NSUN6: variants seen among roughly 807,000 people sequenced by gnomAD.
NSUN6 encodes NOP2/Sun RNA methyltransferase 6, also known as tRNA (cytosine(72)-C(5))-methyltransferase NSUN6.
NSUN6 carries 64 observed loss-of-function variants against 58.0 expected under a neutral mutation model. The observed-to-expected ratio is 1.10, with a 90% CI of 0.90 to 1.36. The LOEUF (loss-of-function observed/expected upper bound fraction) is 1.36. Ranked by LOEUF, NSUN6 falls within the 40% of genes most tolerant of loss-of-function variation. The probability of loss-of-function intolerance (pLI) is 0.00; values close to 1 mark genes in which losing one functional copy is unlikely to be tolerated. For synonymous variants in NSUN6, 231 were observed against 193.9 expected, an observed-to-expected ratio of 1.19 and a Z score of -1.59; for missense variants, 701 against 550.1, an observed-to-expected ratio of 1.27 and a Z score of -2.74.
intron 3 of NSUN6, among the ~76,000 whole-genome samples, chr10:18,618,980 T>C (rs1421615697): frequency 6.6e-6 from 1 of 152,214 alleles, no homozygotes; most frequent in Non-Finnish European, 1.5e-5. Context: ...TCTACAGCCA[T>C]ATCACTCTGA....
intron 3 of NSUN6, among the ~76,000 whole-genome samples, chr10:18,637,049 A>G (rs1372888968): frequency 6.9e-6 from 1 of 144,928 alleles, no homozygotes; most frequent in Admixed American, 7.1e-5. Flanking sequence ...TACAACCTCC[A>G]CCTCCTGGGA....
chr10:18,555,248 A>G (rs944914066), intron 8 of NSUN6, among the ~76,000 whole-genome samples: 5 of 150,232 alleles, frequency 3.3e-5, no homozygotes, highest in African/African-American at 1.2e-4. Flanking sequence ...TGGAGAGTAT[A>G]GAGGAAAGTA....
chr10:18,656,630 T>G (rs536302932), upstream of NSUN6, among the ~76,000 whole-genome samples: 2 of 152,334 alleles, frequency 1.3e-5, no homozygotes, highest in Admixed American at 1.3e-4. Context: ...TATCTGAAGT[T>G]AGTTTGTAAT....
chr10:18,559,583 G>C (rs945342054), intron 8 of NSUN6, among the ~76,000 whole-genome samples: 1 of 150,782 alleles, frequency 6.6e-6, no homozygotes, highest in Admixed American at 6.7e-5. Flanking sequence ...ATGCAATAGA[G>C]AATGGAATGG....
At chr10:18,594,763 C>A (rs2057519342) in intron 7 of NSUN6, among the ~76,000 whole-genome samples, 1 of 152,182 alleles carries the variant, frequency 6.6e-6, no homozygotes. Flanking sequence ...TGACTGCCTA[C>A]ATAGCCTCAA....
chr10:18,557,338 C>T (rs575058899), intron 8 of NSUN6, among the ~76,000 whole-genome samples: 2 of 143,926 alleles, frequency 1.4e-5, no homozygotes, highest in African/African-American at 5.2e-5. Context: ...CAGTGGTGAA[C>T]AGAATGGAAT....
chr10:18,647,736 T>TG (rs1564849178), intron 2 of NSUN6, among the ~76,000 whole-genome samples: 1 of 110,222 alleles, frequency 9.1e-6, no homozygotes, highest in African/African-American at 2.9e-5. Context: ...TTTTTTTTTT[T>TG]TTTTTTTTTT....
upstream of NSUN6, chr10:18,651,664 A>C (rs948523955): frequency 8.1e-6 from 8 of 984,332 alleles, no homozygotes; most frequent in Non-Finnish European, 8.4e-6. Flanking sequence ...CCTGCGGCCC[A>C]CCCCTCCCTT....
intron 7 of NSUN6, among the ~76,000 whole-genome samples, chr10:18,595,488 C>T (rs1040216607): frequency 6.6e-6 from 1 of 152,170 alleles, no homozygotes; most frequent in Non-Finnish European, 1.5e-5. Flanking sequence ...CATTAAACAT[C>T]ACAACGCCAC....
At chr10:18,629,383 G>A (rs1386855779) in intron 3 of NSUN6, among the ~76,000 whole-genome samples, 1 of 151,724 alleles carries the variant, frequency 6.6e-6, no homozygotes, top group Non-Finnish European at 1.5e-5. Flanking sequence ...CATAATGACA[G>A]GATCAAATTC....
upstream of NSUN6, chr10:18,652,905 C>T (rs1185167195): frequency 2.0e-6 from 2 of 985,050 alleles, no homozygotes; most frequent in African/African-American, 3.5e-5. Flanking sequence ...AGGGTTGAAA[C>T]AACTCTCCAT....
At chr10:18,591,695 A>C (rs1024342054) in intron 7 of NSUN6, among the ~76,000 whole-genome samples, 3 of 152,190 alleles carry the variant, frequency 2.0e-5, no homozygotes, top group Non-Finnish European at 4.4e-5. Context: ...ACTCTCAATA[A>C]ACTAGGTATT....
intron 2 of NSUN6, among the ~76,000 whole-genome samples, chr10:18,646,520 C>T (rs1019087097): frequency 2.7e-5 from 4 of 148,464 alleles, no homozygotes; most frequent in African/African-American, 7.5e-5. Flanking sequence ...GCTAAAATAT[C>T]CAGGTTCTGG....
chr10:18,596,110 G>T, intron 7 of NSUN6, 98 bp downstream of exon 7: 1 of 1,008,460 alleles, frequency 9.9e-7, no homozygotes, highest in Non-Finnish European at 1.5e-6. Context: ...GGCTGAATCT[G>T]AACTAAATGA....
intron 5 of NSUN6, among the ~76,000 whole-genome samples, chr10:18,611,996 G>A (rs7081461): frequency 0.25 from 38,522 of 151,924 alleles, 5,634 homozygotes; most frequent in East Asian, 0.74. Flanking sequence ...TTTAATCAGA[G>A]GTAAAACTCA....
chr10:18,564,061 C>A (rs953791646), intron 8 of NSUN6, among the ~76,000 whole-genome samples: 2 of 151,042 alleles, frequency 1.3e-5, no homozygotes, highest in Non-Finnish European at 1.5e-5. Context: ...CATTTCATTC[C>A]ATTCCATTCT....
chr10:18,651,601 G>A (rs766567932), upstream of NSUN6: 8 of 987,984 alleles, frequency 8.1e-6, no homozygotes, highest in Middle Eastern at 5.2e-4. Flanking sequence ...TTCCAAACAC[G>A]CGCCCCCTAT....
At chr10:18,557,565 G>T (rs150386464) in intron 8 of NSUN6, among the ~76,000 whole-genome samples, 309 of 151,074 alleles carry the variant, frequency 2.0e-3, no homozygotes, top group African/African-American at 6.6e-3. Flanking sequence ...AGAATGGAAT[G>T]GACAGTGGAA....
Position 18,548,216 on chromosome 10 carries a change from C to T in NSUN6, c.1093G>A (p.Glu365Lys). Residue 365 changes from glutamate to lysine, a missense_variant, in exon 10 of 11, where the codon GAG (glutamate) becomes AAG (lysine). Glu to Lys is a moderately conservative substitution (Grantham distance 56). Coordinates refer to ENST00000377304, the MANE Select transcript of NSUN6 (RefSeq NM_182543.5). ...CACGTGCTATAAACCAGCACACCCT[C>T]TGGCTTCAGCAGCTGAACCGCCTAA... is the stretch of plus-strand genomic sequence containing the variant. ...FTAAVQLLKP[E>K]GVLVYSTCTI... The T allele has an allele frequency of 2.5e-6, 4 of 1,613,152 alleles. No homozygotes were observed. Among genetic ancestry groups the T allele is most frequent in the Non-Finnish European group, 3.4e-6 (4 of 1,179,384 alleles).
Sources: gnomAD v4.1 joint callset for allele counts (sites outside exome capture counted in the v4.1 genomes callset) on GRCh38, gnomAD v4.1.1 for gene constraint, MANE v1.5 for transcripts, NCBI Gene and HGNC (gene_info 2026-07-23, HGNC 2026-07-21) for gene names.